The following SLC2A9 variants were observed in gnomAD, a reference collection of about 807,000 sequenced individuals.
The protein encoded by SLC2A9 is solute carrier family 2 member 9.
A neutral mutation model predicts 50.6 loss-of-function variants in SLC2A9; 39 were observed. That is an observed-to-expected ratio of 0.77 (90% CI 0.60 to 1.01). The LOEUF (loss-of-function observed/expected upper bound fraction) is 1.01, where lower values mean the gene tolerates loss of function less well. Ranked by LOEUF, SLC2A9 falls within the 50% of genes least tolerant of loss-of-function variation. The pLI is 0.00. For missense variants in SLC2A9, 686 were observed against 677.6 expected (o/e 1.01, Z -0.14); for synonymous variants, 324 against 276.9 (o/e 1.17, Z -1.69).
Position 9,887,623 on chromosome 4 carries a change from G to A in SLC2A9, c.1235C>T (p.Pro412Leu). The A allele has an allele frequency of 6.4e-7, 1 of 1,556,240 alleles. No homozygotes were observed. The highest frequency in any genetic ancestry group is 1.2e-5 in the South Asian group (1 of 82,080). Residue 412 changes from proline to leucine, a missense_variant, in exon 10 of 12, where the codon CCC becomes CTC. Transcript: ENST00000264784. ...CAGAATGCCCACGATACTCAGGTAG[G>A]GGACCCAGGGGGCGTGGTCCTGGGA... The part of the protein sequence containing the change: ...LTLQDHAPWV[P>L]YLSIVGILAI...
At chr4:9,854,968 T>A (rs1051838074) in intron 10 of SLC2A9, among the ~76,000 whole-genome samples, 2 of 151,992 alleles carry the variant, frequency 1.3e-5, no homozygotes, top group African/African-American at 4.8e-5. Flanking sequence ...CCCAAAATAA[T>A]AACAGCCATC....
In SLC2A9 at chr4:9,834,902, C is replaced by T. The variant is rs749461102; in HGVS notation, c.1398G>A (p.Gly466=). 3.1e-6 allele frequency: 5 copies of T among 1,613,986 alleles called. No homozygotes were observed. The highest frequency in any genetic ancestry group is 4.2e-6 in the Non-Finnish European group (5 of 1,180,030). ...TVNWLSNFAV[G]LLFPFIQKSL... is the part of the protein sequence containing the mutation. ...ATACCTGAATGAATGGGAAGAGGAGCCCAACAGCAAAGTTGGAGAGCCAGT... is the reference window on the plus strand; with the variant it reads ...ATACCTGAATGAATGGGAAGAGGAGTCCAACAGCAAAGTTGGAGAGCCAGT... The change falls in exon 11 of 12, where the codon GGG becomes GGA. Residue 466 remains glycine (G), a synonymous_variant. Coordinates refer to ENST00000264784, the MANE Select transcript of SLC2A9 (RefSeq NM_020041.3).
At chr4:9,801,839 C>T (rs1368193420) in intron 3 of SLC2A9, among the ~76,000 whole-genome samples, 5 of 152,302 alleles carry the variant, frequency 3.3e-5, no homozygotes, top group Non-Finnish European at 5.9e-5. Flanking sequence ...GGGAGACCGG[C>T]CAAAGAGAAT....
At chr4:9,802,859 C>A (rs1032910066) in intron 3 of SLC2A9, among the ~76,000 whole-genome samples, 13 of 152,124 alleles carry the variant, frequency 8.5e-5, no homozygotes, top group Admixed American at 7.9e-4. Context: ...CCACAGCGCC[C>A]GGCTGGGTAA....
At chr4:9,801,505 T>A (rs958518019) in intron 3 of SLC2A9, among the ~76,000 whole-genome samples, 1 of 152,198 alleles carries the variant, frequency 6.6e-6, no homozygotes, top group South Asian at 2.1e-4. Flanking sequence ...GAGAATGCAG[T>A]CAACACTGTA....
intron 3 of SLC2A9, among the ~76,000 whole-genome samples, chr4:9,820,747 T>G (rs1056187693): frequency 6.6e-6 from 1 of 152,246 alleles, no homozygotes; most frequent in African/African-American, 2.4e-5. Context: ...AATTGTTCAT[T>G]GCTAGTACAG....
intron 3 of SLC2A9, among the ~76,000 whole-genome samples, chr4:9,990,354 G>A (rs1757480030): frequency 6.6e-6 from 1 of 152,094 alleles, no homozygotes; most frequent in East Asian, 1.9e-4. Context: ...CTGCTTGCCT[G>A]CTGTGTACAA....
intron 11 of SLC2A9, among the ~76,000 whole-genome samples, chr4:9,830,795 A>G (rs1268997806): frequency 6.6e-6 from 1 of 152,202 alleles, no homozygotes; most frequent in Non-Finnish European, 1.5e-5. Context: ...CCCAAGCAAC[A>G]CTGATGCTGA....
At chr4:9,886,616 T>A (rs1736321552) in intron 10 of SLC2A9, among the ~76,000 whole-genome samples, 5 of 152,144 alleles carry the variant, frequency 3.3e-5, no homozygotes, top group Admixed American at 3.3e-4. Context: ...TGGAATGTAA[T>A]GGCTTACGAG....
intron 3 of SLC2A9, among the ~76,000 whole-genome samples, chr4:9,788,705 T>G (rs1295632488): frequency 6.6e-6 from 1 of 152,190 alleles, no homozygotes; most frequent in East Asian, 1.9e-4. Context: ...GCTGGGGGTA[T>G]CCATACTTAT....
chr4:9,774,264 A>G (rs1717223736), intron 1 of SLC2A9, among the ~76,000 whole-genome samples: 1 of 152,132 alleles, frequency 6.6e-6, no homozygotes, highest in Admixed American at 6.5e-5. Flanking sequence ...AAGTGCTGGG[A>G]TTAAAGGCGT....
intron 8 of SLC2A9, among the ~76,000 whole-genome samples, chr4:9,893,581 G>T (rs547181431): frequency 2.0e-5 from 3 of 150,752 alleles, no homozygotes; most frequent in South Asian, 2.2e-4. Context: ...AGGGAGGGAG[G>T]GAGGGAGTGA....
chr4:9,911,346 T>A (rs1741753199), intron 7 of SLC2A9, among the ~76,000 whole-genome samples: 1 of 152,082 alleles, frequency 6.6e-6, no homozygotes, highest in Admixed American at 6.6e-5. Context: ...ACGAAGCCAC[T>A]GCCCTCCCCC....
At chr4:9,774,857 C>T (rs1457065276), downstream of SLC2A9, among the ~76,000 whole-genome samples, 1 of 152,004 alleles carries the variant, frequency 6.6e-6, no homozygotes, top group Admixed American at 6.5e-5. Flanking sequence ...TCTATATGGG[C>T]CTCATTCCTT....
chr4:10,007,834 A>C (rs1253078169), intron 2 of SLC2A9, among the ~76,000 whole-genome samples: 2 of 152,224 alleles, frequency 1.3e-5, no homozygotes, highest in Admixed American at 1.3e-4. Flanking sequence ...TGCAACATCA[A>C]TTCTGGAATA....
At chr4:9,906,542 A>T (rs1191756853) in intron 8 of SLC2A9, among the ~76,000 whole-genome samples, 2 of 152,236 alleles carry the variant, frequency 1.3e-5, no homozygotes. Flanking sequence ...TTACTGTGCT[A>T]CTATGTAAGA....
intron 7 of SLC2A9, among the ~76,000 whole-genome samples, chr4:9,910,513 G>T (rs112469934): frequency 1.3e-5 from 2 of 152,200 alleles, no homozygotes; most frequent in African/African-American, 4.8e-5. Flanking sequence ...AATGGCCAAC[G>T]TTCTCTAGGG....
chr4:9,830,397 TA>T (rs1354018919), intron 11 of SLC2A9, among the ~76,000 whole-genome samples: 1 of 152,168 alleles, frequency 6.6e-6, no homozygotes, highest in Non-Finnish European at 1.5e-5. Context: ...GAAGAATAGC[TA>T]ATGGACTCTG....
At position 9,808,955 on chromosome 4, in the gene SLC2A9, C is replaced by T. The variant is rs561124968; in HGVS notation, n.421-9714G>A. On this transcript the variant is annotated intron_variant and non_coding_transcript_variant, in intron 3 of 3. Transcript: ENST00000503280. Reference sequence around the variant, plus strand: ...ATCAATTCTTTCTTGAATCAGACATCAGGATTTTCGCTGCAGCCCTGGAAA... The same window carrying T: ...ATCAATTCTTTCTTGAATCAGACATTAGGATTTTCGCTGCAGCCCTGGAAA... Among the ~76,000 whole-genome samples, 4 of 152,174 alleles carry T rather than the reference C, an allele frequency of 2.6e-5. No individual in the cohort carries two copies. In the South Asian group the frequency reaches 8.3e-4, roughly 32 times the overall value.
Sources: gnomAD v4.1 joint callset for allele counts (sites outside exome capture counted in the v4.1 genomes callset) on GRCh38, gnomAD v4.1.1 for gene constraint, MANE v1.5 for transcripts, NCBI Gene and HGNC (gene_info 2026-07-23, HGNC 2026-07-21) for gene names.